DGKB: variants seen among roughly 807,000 people sequenced by gnomAD.
The protein encoded by DGKB is diacylglycerol kinase beta.
DGKB carries 67 observed loss-of-function variants against 114.3 expected under a neutral mutation model. The ratio of observed to expected loss-of-function variants is 0.59; its 90% CI spans 0.48 to 0.72. DGKB has a LOEUF of 0.72. Ranked by LOEUF, DGKB falls within the 30% of genes least tolerant of loss-of-function variation. The pLI is 0.00. For synonymous variants in DGKB, 398 were observed against 323.1 expected (o/e 1.23, Z -2.49); for missense variants, 907 against 975.2 (o/e 0.93, Z 0.93).
chr7:14,937,705 T>G (rs1785348543), intron 1 of DGKB, among the ~76,000 whole-genome samples: 1 of 152,148 alleles, frequency 6.6e-6, no homozygotes, highest in Non-Finnish European at 1.5e-5. Flanking sequence ...GTTTAAACTT[T>G]GCAGGTCCAC....
At chr7:14,868,033 C>T (rs1017322700) in intron 1 of DGKB, among the ~76,000 whole-genome samples, 2 of 152,150 alleles carry the variant, frequency 1.3e-5, no homozygotes, top group African/African-American at 2.4e-5. Context: ...GTCAGACCGG[C>T]GTGGATTGAA....
chr7:14,323,447 A>AAGGATAACACATAGAGAGGGAGT (rs1317799523), intron 23 of DGKB, among the ~76,000 whole-genome samples: 3 of 152,208 alleles, frequency 2.0e-5, no homozygotes, highest in Non-Finnish European at 4.4e-5. Context: ...GTTTCATTAA[A>AAGGATAACACATAGAGAGGGAGT]AGGATAACAC....
intron 2 of DGKB, among the ~76,000 whole-genome samples, chr7:14,838,157 T>G (rs2128133287): frequency 6.6e-6 from 1 of 152,302 alleles, no homozygotes; most frequent in South Asian, 2.1e-4. Context: ...ATTACTGATT[T>G]GTGTATTCTT....
In DGKB at chr7:14,721,499, TATC is replaced by T. The variant is rs529105311; in HGVS notation, c.323-2817_323-2815del. 1.1e-3 allele frequency among the ~76,000 whole-genome samples: 168 copies of T among 152,306 alleles called. 1 individual carries two copies. Among genetic ancestry groups the T allele is most frequent in the African/African-American group, 3.8e-3 (160 of 41,584 alleles). ...ATTGTTAACTGAACACTTAAAGCTG[TATC>T]ATGTATTTATCACATGGAATACGGT... On this transcript the variant is annotated intron_variant, in intron 5 of 25. Transcript: ENST00000402815.
chr7:14,586,492 G>A lies in DGKB; in HGVS notation c.1434-3355C>T, dbSNP rs186648943. On this transcript the variant is annotated intron_variant, in intron 17 of 25. Coordinates refer to ENST00000402815, the MANE Select transcript of DGKB (RefSeq NM_001350709.2). ...AGAAGTGGCAGCAAATTATCCAGAA[G>A]ATCTAGCTACAATTATTGATAAAGG... is the stretch of plus-strand genomic sequence containing the variant. Among the ~76,000 whole-genome samples, 401 of 152,210 alleles carry A rather than the reference G, an allele frequency of 2.6e-3. 4 individuals carry two copies. Among genetic ancestry groups the A allele is most frequent in the African/African-American group, 9.4e-3 (392 of 41,536 alleles).
At chr7:14,210,641 C>G (rs1435110920) in intron 23 of DGKB, among the ~76,000 whole-genome samples, 1 of 151,996 alleles carries the variant, frequency 6.6e-6, no homozygotes, top group Non-Finnish European at 1.5e-5. Context: ...GTCCATTAGT[C>G]TCCGCAACAT....
chr7:14,946,155 T>C (rs985366785), intron 1 of DGKB, among the ~76,000 whole-genome samples: 3 of 151,460 alleles, frequency 2.0e-5, no homozygotes, highest in African/African-American at 7.3e-5. Flanking sequence ...TATTAAGGGT[T>C]TCTTGCTAAG....
At chr7:14,887,378 T>C (rs1780463626) in intron 1 of DGKB, among the ~76,000 whole-genome samples, 1 of 151,810 alleles carries the variant, frequency 6.6e-6, no homozygotes, top group Non-Finnish European at 1.5e-5. Flanking sequence ...TCCTGTTCCT[T>C]CTTAATTACT....
chr7:14,240,368 TC>T (rs1793456690), intron 23 of DGKB, among the ~76,000 whole-genome samples: 1 of 152,104 alleles, frequency 6.6e-6, no homozygotes. Flanking sequence ...CCAAGAAGTG[TC>T]AATGTTTCAA....
rs187418796 is a variant in DGKB, at chr7:14,522,058, A to G, written c.1771-43833T>C. Among the ~76,000 whole-genome samples, 89 of 152,166 alleles carry G rather than the reference A, an allele frequency of 5.8e-4. 1 individual carries two copies. The East Asian group carries it at 0.012, about 21-fold the overall frequency. ...AAGCTTTGCGTCCTAAGGGTGTGGT[A>G]GTGTGTTGCTGTTACACATAGCTTA... On this transcript the variant is annotated intron_variant, in intron 20 of 25. Coordinates refer to ENST00000402815, the MANE Select transcript of DGKB (RefSeq NM_001350709.2).
intron 2 of DGKB, among the ~76,000 whole-genome samples, chr7:14,837,692 A>G (rs181795400): frequency 3.0e-4 from 45 of 152,328 alleles, no homozygotes; most frequent in African/African-American, 1.1e-3. Flanking sequence ...TTGCAACATG[A>G]AAAATCTAAT....
chr7:14,582,868 A>G (rs1191481187), intron 18 of DGKB, among the ~76,000 whole-genome samples, 184 bp downstream of exon 18: 2 of 152,188 alleles, frequency 1.3e-5, no homozygotes, highest in African/African-American at 4.8e-5. Context: ...ATGTACTTCT[A>G]AACTATTTTG....
At chr7:14,933,708 A>G (rs1785143198) in intron 1 of DGKB, among the ~76,000 whole-genome samples, 1 of 152,190 alleles carries the variant, frequency 6.6e-6, no homozygotes, top group Admixed American at 6.6e-5. Context: ...TTTAAATTTT[A>G]GGAACCTGTA....
At chr7:14,696,744 C>T (rs925251623) in intron 8 of DGKB, among the ~76,000 whole-genome samples, 2 of 152,006 alleles carry the variant, frequency 1.3e-5, no homozygotes, top group East Asian at 1.9e-4. Flanking sequence ...TACATGTTAC[C>T]ATCTACTTTA....
At chr7:14,571,014 T>C (rs1798303971) in intron 20 of DGKB, among the ~76,000 whole-genome samples, 1 of 152,192 alleles carries the variant, frequency 6.6e-6, no homozygotes, top group South Asian at 2.1e-4. Flanking sequence ...TTTAGCAGCA[T>C]TCCTAACTTT....
intron 21 of DGKB, among the ~76,000 whole-genome samples, chr7:14,439,454 G>A (rs893369502): frequency 9.9e-5 from 15 of 152,070 alleles, no homozygotes; most frequent in African/African-American, 3.6e-4. Context: ...GAAGCTCCCT[G>A]TATTGGCCTC....
chr7:14,584,063 CTG>C (rs1261454882), intron 17 of DGKB, among the ~76,000 whole-genome samples: 4 of 152,172 alleles, frequency 2.6e-5, no homozygotes, highest in Non-Finnish European at 2.9e-5. Flanking sequence ...ACGAATAAAA[CTG>C]TGCTATACAT....
At chr7:14,400,897 A>G (rs1485670459) in intron 21 of DGKB, among the ~76,000 whole-genome samples, 1 of 151,810 alleles carries the variant, frequency 6.6e-6, no homozygotes, top group Non-Finnish European at 1.5e-5. Context: ...GGTCACATTC[A>G]GTGGGGGGTC....
chr7:14,925,542 T>C (rs1329614586), intron 1 of DGKB, among the ~76,000 whole-genome samples: 1 of 152,160 alleles, frequency 6.6e-6, no homozygotes, highest in Non-Finnish European at 1.5e-5. Context: ...GAATATGGTA[T>C]GTCTTATTTA....
Sources: allele counts gnomAD v4.1 joint callset (sites outside exome capture counted in the v4.1 genomes callset), GRCh38; gene constraint gnomAD v4.1.1; transcripts MANE v1.5; gene names NCBI Gene and HGNC (gene_info 2026-07-23, HGNC 2026-07-21).